The following FAT1 variants were observed in gnomAD, a reference collection of about 807,000 sequenced individuals.
FAT1 encodes FAT atypical cadherin 1.
A neutral mutation model predicts 329.8 loss-of-function variants in FAT1; 171 were observed. That is an observed-to-expected ratio of 0.52 (90% CI 0.46 to 0.59). The LOEUF is 0.59. Ranked by LOEUF, FAT1 falls within the 20% of genes least tolerant of loss-of-function variation. The probability of loss-of-function intolerance (pLI) is 0.00; values close to 1 mark genes in which losing one functional copy is unlikely to be tolerated. For synonymous variants in FAT1, 2,233 were observed against 2,228.6 expected (o/e 1.00, Z -0.06); for missense variants, 5,672 against 5,774.4 (o/e 0.98, Z 0.57).
chr4:186,661,607 C>T (rs1742176226), intron 3 of FAT1, among the ~76,000 whole-genome samples: 1 of 152,222 alleles, frequency 6.6e-6, no homozygotes, highest in Admixed American at 6.5e-5. Flanking sequence ...GGGACCCTTG[C>T]AGACTTTGCC....
At chr4:186,628,841 G>C in intron 7 of FAT1, 78 bp from the exon 8 acceptor site, 1 of 1,389,794 alleles carries the variant, frequency 7.2e-7, no homozygotes. Context: ...ATGAACGAAA[G>C]TCATGTATAT....
intron 3 of FAT1, among the ~76,000 whole-genome samples, chr4:186,650,253 A>C (rs1037273389): frequency 6.6e-6 from 1 of 152,012 alleles, no homozygotes; most frequent in Non-Finnish European, 1.5e-5. Context: ...TTTTGTTTTC[A>C]GTTATGAATA....
chr4:186,673,019 A>G (rs915341134), intron 2 of FAT1, among the ~76,000 whole-genome samples: 1 of 152,224 alleles, frequency 6.6e-6, no homozygotes, highest in Non-Finnish European at 1.5e-5. Flanking sequence ...AAAAGAAGAC[A>G]TGCATATTAA....
chr4:186,724,186 A>AAAAG (rs1554002996), upstream of FAT1, among the ~76,000 whole-genome samples: 10 of 142,742 alleles, frequency 7.0e-5, 1 homozygote, highest in African/African-American at 2.5e-4. The surrounding 1 kb of genome is among the most constrained non-coding windows in gnomAD (Gnocchi z 5.3). Context: ...GCTTAGCTAA[A>AAAAG]AAAAAAAAAA....
At chr4:186,645,268 C>T (rs1741299069) in intron 3 of FAT1, among the ~76,000 whole-genome samples, 2 of 149,502 alleles carry the variant, frequency 1.3e-5, no homozygotes. Context: ...GAAGAACTGC[C>T]CAGCAGAACC....
At chr4:186,668,974 G>A (rs79104891) in intron 2 of FAT1, among the ~76,000 whole-genome samples, 1 of 152,046 alleles carries the variant, frequency 6.6e-6, no homozygotes, top group Non-Finnish European at 1.5e-5. Context: ...TATATAGTGG[G>A]TTATAAACTC....
intron 2 of FAT1, among the ~76,000 whole-genome samples, chr4:186,693,029 G>C (rs1435873152): frequency 1.3e-5 from 2 of 152,150 alleles, no homozygotes; most frequent in African/African-American, 4.8e-5. Context: ...CATTGCTTTG[G>C]TATCTTCAGA....
intron 2 of FAT1, among the ~76,000 whole-genome samples, chr4:186,698,537 G>A (rs538240754): frequency 7.2e-5 from 11 of 152,360 alleles, no homozygotes; most frequent in East Asian, 1.9e-4. Flanking sequence ...TCCACGTAAC[G>A]AAGAGGGCTG....
At chr4:186,650,965 C>T (rs1156343452) in intron 3 of FAT1, among the ~76,000 whole-genome samples, 4 of 151,154 alleles carry the variant, frequency 2.6e-5, no homozygotes, top group East Asian at 1.9e-4. Context: ...ACCAACTGCA[C>T]GGAAAAGAGA....
At position 186,618,647 on chromosome 4, in the gene FAT1, C is replaced by A. The variant is rs2126497547; in HGVS notation, c.7939G>T (p.Glu2647Ter). 6.2e-7 allele frequency: 1 copy of A among 1,614,038 alleles called. No individual in the cohort carries two copies. Among genetic ancestry groups the A allele is most frequent in the Non-Finnish European group, 8.5e-7 (1 of 1,179,894 alleles). The stretch of plus-strand genomic sequence containing the variant: ...ATTACGCCGGACAGTTTGTTAATTT[C>A]CAAATTCTCTTTTACACTTTCAGAG... ...ADSESVKENL[E>*]INKLSGVITT... The change falls in exon 10 of 27, where the codon GAA (glutamate) becomes TAA (stop). Residue 2647 changes from glutamate to a stop codon, truncating the protein, a stop_gained. Transcript: ENST00000441802. LOFTEE classifies it high-confidence loss of function.
intron 25 of FAT1, 82 bp from the exon 26 acceptor site, chr4:186,595,908 T>C: frequency 1.5e-6 from 2 of 1,353,570 alleles, no homozygotes; most frequent in Non-Finnish European, 2.1e-6. Flanking sequence ...CACCATGCAT[T>C]ACCCAACGAT....
In FAT1 at chr4:186,596,228, C is replaced by T. The variant is rs1168671266; in HGVS notation, c.13000+312G>A. 6.6e-6 allele frequency among the ~76,000 whole-genome samples: 1 copy of T among 151,962 alleles called. No homozygotes were observed. Among genetic ancestry groups the T allele is most frequent in the African/African-American group, 2.4e-5 (1 of 41,370 alleles). ...AAAAATCCTAGCATGAAAATGCTCC[C>T]GATTATTTTTTTGACATATTAATAA... On this transcript the variant is annotated intron_variant, in intron 25 of 26. Transcript: ENST00000441802. The surrounding 1 kb of genome is among the most constrained non-coding windows in gnomAD (Gnocchi z 4.7).
rs190073081 is a variant in FAT1, at chr4:186,632,325, A to G, written c.4323+1359T>C. ...AGAGGGACAGCTCCACTGTTTATGA[A>G]GCTCCTTTTGTTAGATTTCTGGGTA... On this transcript the variant is annotated intron_variant, in intron 7 of 26. Transcript: ENST00000441802. Among the ~76,000 whole-genome samples, 4 of 152,248 alleles carry G rather than the reference A, an allele frequency of 2.6e-5. No homozygotes were observed. The East Asian group carries it at 7.7e-4, about 29-fold the overall frequency.
At chr4:186,612,996 G>A in intron 13 of FAT1, 113 bp downstream of exon 13, 1 of 654,360 alleles carries the variant, frequency 1.5e-6, no homozygotes, top group Non-Finnish European at 2.7e-6. Flanking sequence ...AAGGGCTATG[G>A]AACATGCATG....
At chr4:186,653,746 C>T (rs541179569) in intron 3 of FAT1, among the ~76,000 whole-genome samples, 3 of 152,126 alleles carry the variant, frequency 2.0e-5, no homozygotes, top group Non-Finnish European at 2.9e-5. Flanking sequence ...TGGAACACAG[C>T]GGTGCTCACT....
chr4:186,645,837 T>C (rs531864238), intron 3 of FAT1, among the ~76,000 whole-genome samples: 2 of 150,980 alleles, frequency 1.3e-5, no homozygotes, highest in African/African-American at 4.9e-5. Flanking sequence ...TCCCAGCTAC[T>C]TGGGAGGCTA....
chr4:186,655,656 C>T (rs534032556), intron 3 of FAT1, among the ~76,000 whole-genome samples: 180 of 152,254 alleles, frequency 1.2e-3, no homozygotes, highest in Non-Finnish European at 1.7e-3. Flanking sequence ...TGGTCTCGAA[C>T]TCCTGACCTC....
chr4:186,692,319 A>ATTTT lies in FAT1; in HGVS notation c.3265+14243_3265+14244insAAAA, dbSNP rs769658294. Among the ~76,000 whole-genome samples the ATTTT allele has an allele frequency of 3.4e-3, 510 of 150,766 alleles. 4 individuals are homozygous for ATTTT. The highest frequency in any genetic ancestry group is 0.012 in the African/African-American group (486 of 40,400). ...TACATCTTAGGTTATTTATTTATTT[A>ATTTT]TTTATTTTTTTGAGACGGAGTCTCG... On this transcript the variant is annotated intron_variant, in intron 2 of 26. Coordinates refer to ENST00000441802, the MANE Select transcript of FAT1 (RefSeq NM_005245.4).
At chr4:186,612,098 C>A (rs970907856) in intron 13 of FAT1, among the ~76,000 whole-genome samples, 2 of 150,496 alleles carry the variant, frequency 1.3e-5, no homozygotes, top group East Asian at 3.9e-4. Flanking sequence ...CGTGAGCCAC[C>A]GCACCCGGCC....
Sources: allele counts gnomAD v4.1 joint callset (sites outside exome capture counted in the v4.1 genomes callset), GRCh38; gene constraint gnomAD v4.1.1; non-coding constraint Gnocchi (gnomAD v3.1); transcripts MANE v1.5; gene names NCBI Gene and HGNC (gene_info 2026-07-23, HGNC 2026-07-21).